Variants in MRPL37 observed in about 807,000 individuals in gnomAD.
MRPL37 encodes mitochondrial ribosomal protein L37.
MRPL37 carries 34 observed loss-of-function variants against 44.1 expected under a neutral mutation model. That is an observed-to-expected ratio of 0.77 (90% CI 0.59 to 1.03). MRPL37 has a LOEUF of 1.03. Among genes scored for constraint, MRPL37 ranks in the 50% least tolerant of loss-of-function variants. The pLI is 0.00. For synonymous variants in MRPL37, 212 were observed against 219.5 expected (o/e 0.97, Z 0.30); for missense variants, 532 against 543.7 (o/e 0.98, Z 0.21).
At chr1:54,212,426 G>A (rs1411024737) in intron 4 of MRPL37, 75 bp from the exon 5 acceptor site, 14 of 1,543,394 alleles carry the variant, frequency 9.1e-6, no homozygotes, top group African/African-American at 1.4e-5. Context: ...GGGCTAAGGC[G>A]AGGTGACTTT....
downstream of MRPL37, chr1:54,220,609 A>G (rs1644226115): frequency 2.1e-6 from 1 of 470,842 alleles, no homozygotes; most frequent in Non-Finnish European, 4.4e-6. Context: ...CCCCCTCCAC[A>G]GACAGGTCCT....
chr1:54,211,368 T>C (rs532194307), intron 4 of MRPL37, among the ~76,000 whole-genome samples: 52 of 152,284 alleles, frequency 3.4e-4, no homozygotes, highest in Admixed American at 5.9e-4. Context: ...TCTTACAGCT[T>C]GGCACAGAGT....
chr1:54,207,713 C>G (rs1481132495), intron 3 of MRPL37, among the ~76,000 whole-genome samples: 1 of 152,118 alleles, frequency 6.6e-6, no homozygotes, highest in East Asian at 1.9e-4. Context: ...ATTTATTTTT[C>G]TTGCAGATTA....
At chr1:54,225,040 C>T (rs1644266812), downstream of MRPL37, 1 of 1,196,604 alleles carries the variant, frequency 8.4e-7, no homozygotes, top group East Asian at 3.2e-5. Context: ...GGGGAGAAAG[C>T]AGGGAGTGGC....
chr1:54,221,009 C>G (rs964209803), downstream of MRPL37: 17 of 365,746 alleles, frequency 4.6e-5, no homozygotes, highest in African/African-American at 2.6e-4. Flanking sequence ...TTTTCCCCTC[C>G]TGTATTCCAG....
At chr1:54,215,619 T>C (rs1644191796) in intron 5 of MRPL37, among the ~76,000 whole-genome samples, 1 of 152,136 alleles carries the variant, frequency 6.6e-6, no homozygotes, top group South Asian at 2.1e-4. Flanking sequence ...TGGTCTGGCA[T>C]GAGCCTGTTT....
chr1:54,225,461 C>T (rs185083011), downstream of MRPL37: 27 of 1,205,454 alleles, frequency 2.2e-5, no homozygotes, highest in East Asian at 3.5e-4. Context: ...TTTAATAAAA[C>T]GTTATCAACA....
At chr1:54,225,284 G>T, downstream of MRPL37, 1 of 1,234,218 alleles carries the variant, frequency 8.1e-7, no homozygotes, top group Non-Finnish European at 1.0e-6. Flanking sequence ...CACAGAATTT[G>T]CAGGCCCAGG....
At chr1:54,204,885 T>A in intron 1 of MRPL37, 133 bp from the exon 2 acceptor site, 1 of 1,022,202 alleles carries the variant, frequency 9.8e-7, no homozygotes, top group Admixed American at 2.8e-5. Context: ...TTCTATCCCC[T>A]CAGGTGTCAC....
chr1:54,211,431 C>T (rs1644163679), intron 4 of MRPL37, among the ~76,000 whole-genome samples: 1 of 152,104 alleles, frequency 6.6e-6, no homozygotes, highest in African/African-American at 2.4e-5. Context: ...AAGGACCAAA[C>T]ATGCAGGAGA....
At chr1:54,220,679 A>G, downstream of MRPL37, 1 of 471,698 alleles carries the variant, frequency 2.1e-6, no homozygotes, top group Non-Finnish European at 4.4e-6. Context: ...TCAACGCAGG[A>G]GAGGAAGTGA....
rs1021938804 is a variant in MRPL37, at chr1:54,211,167, C to T, written c.832+1036C>T. On this transcript the variant is annotated intron_variant, in intron 4 of 6. Coordinates refer to ENST00000360840, the MANE Select transcript of MRPL37 (RefSeq NM_016491.4). ...GTTCATCTTAGGAATGACTTTCTCT[C>T]AGAAATGCTTTGGGATCTTCCAGTC... Among the ~76,000 whole-genome samples the T allele has an allele frequency of 2.6e-5, 4 of 152,276 alleles. No homozygotes were observed. In the South Asian group the frequency reaches 8.3e-4, roughly 32 times the overall value.
downstream of MRPL37, among the ~76,000 whole-genome samples, chr1:54,221,513 AG>A (rs562166573): frequency 4.6e-5 from 7 of 152,130 alleles, no homozygotes; most frequent in Non-Finnish European, 7.4e-5. Context: ...AACTGCATCC[AG>A]GGGGGCGTGC....
Position 54,200,561 on chromosome 1 carries a change from C to T in MRPL37, c.318C>T (p.Ile106=), listed in dbSNP as rs779343530. 6.2e-7 allele frequency: 1 copy of T among 1,602,332 alleles called. No individual in the cohort carries two copies. Among genetic ancestry groups the T allele is most frequent in the South Asian group, 1.1e-5 (1 of 90,740 alleles). ...HPLYKDQACY[I]FHHRCRLLEG... ...TGTACAAAGACCAGGCCTGCTATAT[C>T]TTTCACCACCGTTGCCGCCTTCTCG... Residue 106 remains isoleucine (I), a synonymous_variant, in exon 1 of 7, where the codon ATC becomes ATT. Coordinates refer to ENST00000360840, the MANE Select transcript of MRPL37 (RefSeq NM_016491.4).
At chr1:54,213,689 T>A (rs1557734119) in intron 5 of MRPL37, among the ~76,000 whole-genome samples, 1 of 152,178 alleles carries the variant, frequency 6.6e-6, no homozygotes, top group South Asian at 2.1e-4. Context: ...AACCCTGGGG[T>A]TGGGGCCCAG....
rs774146743 is a variant in MRPL37 at position 54,200,377 on chromosome 1, C to G, written c.134C>G (p.Pro45Arg). 1.1e-5 allele frequency: 18 copies of G among 1,614,204 alleles called. No individual in the cohort carries two copies. Among genetic ancestry groups the G allele is most frequent in the Non-Finnish European group, 1.5e-5 (18 of 1,180,036 alleles). ...VRSTRKSEPP[P>R]LDRVYEIPGL... ...TCCACGCGGAAGTCGGAGCCTCCTC[C>G]CCTGGATAGGGTGTACGAGATCCCT... Residue 45 changes from proline to arginine, a missense_variant, in exon 1 of 7, where the codon CCC (proline) becomes CGC (arginine). Pro to Arg is a moderately radical substitution (Grantham distance 103). Transcript: ENST00000360840.
At chr1:54,209,841 C>A in intron 3 of MRPL37, 105 bp from the exon 4 acceptor site, 1 of 1,175,772 alleles carries the variant, frequency 8.5e-7, no homozygotes, top group Non-Finnish European at 1.2e-6. Flanking sequence ...CAATGATCCA[C>A]CTGCCTTGGC....
At chr1:54,225,098 C>T (rs188734464), downstream of MRPL37, 2 of 1,234,128 alleles carry the variant, frequency 1.6e-6, no homozygotes, top group Non-Finnish European at 2.0e-6. Flanking sequence ...ACAGAGGGCA[C>T]CAGGAGGAAC....
chr1:54,225,268 C>A, downstream of MRPL37: 1 of 1,234,268 alleles, frequency 8.1e-7, no homozygotes, highest in Non-Finnish European at 1.0e-6. Context: ...CGCGACTCCA[C>A]AAGAACACAG....
Sources: allele counts gnomAD v4.1 joint callset (sites outside exome capture counted in the v4.1 genomes callset), GRCh38; gene constraint gnomAD v4.1.1; transcripts MANE v1.5; gene names NCBI Gene and HGNC (gene_info 2026-07-23, HGNC 2026-07-21).